SCHIP1: variants seen among roughly 807,000 people sequenced by gnomAD.
The protein encoded by SCHIP1 is schwannomin-interacting protein 1.
Under a neutral mutation model 29.7 loss-of-function variants are expected in SCHIP1, and 8 were observed. That is an observed-to-expected ratio of 0.27 (90% CI 0.16 to 0.49). The LOEUF (loss-of-function observed/expected upper bound fraction) is 0.49. SCHIP1 is among the 20% of genes least tolerant of loss of function. The probability of loss-of-function intolerance (pLI) is 0.99; values close to 1 mark genes in which losing one functional copy is unlikely to be tolerated. For synonymous variants in SCHIP1, 76 were observed against 94.9 expected, an observed-to-expected ratio of 0.80 and a Z score of 1.16; for missense variants, 193 against 294.6, an observed-to-expected ratio of 0.66 and a Z score of 2.52.
chr3:159,419,735 G>T, the SCHIP1 span, among the ~76,000 whole-genome samples: 115 of 152,308 alleles, frequency 7.6e-4, no homozygotes, highest in African/African-American at 2.5e-3. Context: ...CTTGAACCCA[G>T]GAGGCGGAGG....
At chr3:159,779,216 A>C in the SCHIP1 span, among the ~76,000 whole-genome samples, 1 of 152,224 alleles carries the variant, frequency 6.6e-6, no homozygotes, top group Non-Finnish European at 1.5e-5. Context: ...GGAACAGATT[A>C]GAAATGGCAT....
chr3:159,795,698 CT>C, the SCHIP1 span, among the ~76,000 whole-genome samples: 19 of 152,132 alleles, frequency 1.2e-4, no homozygotes, highest in African/African-American at 4.6e-4. Flanking sequence ...GAATCTTGAG[CT>C]GGGTCCTGAA....
the SCHIP1 span, among the ~76,000 whole-genome samples, chr3:159,590,617 G>C: frequency 6.6e-6 from 1 of 151,876 alleles, no homozygotes; most frequent in Non-Finnish European, 1.5e-5. Flanking sequence ...GTCCTTACCT[G>C]CACTCAACTC....
chr3:159,287,426 C>G, the SCHIP1 span, among the ~76,000 whole-genome samples: 1 of 151,818 alleles, frequency 6.6e-6, no homozygotes. Context: ...ACTGTTGACT[C>G]TTCATGATTC....
the SCHIP1 span, among the ~76,000 whole-genome samples, chr3:159,336,599 G>C: frequency 1.3e-5 from 2 of 152,096 alleles, no homozygotes; most frequent in African/African-American, 4.8e-5. Context: ...ATTAAATAGG[G>C]AATCATTTCC....
chr3:159,649,594 A>G, the SCHIP1 span, among the ~76,000 whole-genome samples: 1 of 152,226 alleles, frequency 6.6e-6, no homozygotes, highest in Non-Finnish European at 1.5e-5. Flanking sequence ...ACAGAAAACT[A>G]ATTGAAGAAT....
the SCHIP1 span, among the ~76,000 whole-genome samples, chr3:159,510,962 C>A: frequency 6.6e-6 from 1 of 152,194 alleles, no homozygotes; most frequent in African/African-American, 2.4e-5. Flanking sequence ...ATCTCAAACT[C>A]CGTGCTGGGA....
chr3:159,865,998 C>T (rs1560088824), intron 1 of SCHIP1, among the ~76,000 whole-genome samples, 165 bp from the exon 3 acceptor site: 2 of 152,234 alleles, frequency 1.3e-5, no homozygotes, highest in Non-Finnish European at 2.9e-5. Flanking sequence ...CCAGAAGAGA[C>T]TGGTAAAATT....
chr3:159,896,670 G>A, intron 6 of SCHIP1, 53 bp from the exon 8 acceptor site: 3 of 1,501,122 alleles, frequency 2.0e-6, no homozygotes. Flanking sequence ...TGATTGAAAA[G>A]CAGTTTGGAT....
At chr3:159,786,744 T>TTG in the SCHIP1 span, among the ~76,000 whole-genome samples, 118 of 150,414 alleles carry the variant, frequency 7.8e-4, no homozygotes, top group African/African-American at 2.7e-3. Context: ...TGTGGTGTGA[T>TTG]TGTGGTCTGT....
the SCHIP1 span, among the ~76,000 whole-genome samples, chr3:159,388,009 T>C: frequency 6.6e-6 from 1 of 152,122 alleles, no homozygotes; most frequent in South Asian, 2.1e-4. Context: ...ATTCAGTTAA[T>C]GACAAAATAT....
chr3:159,704,900 C>A, the SCHIP1 span, among the ~76,000 whole-genome samples: 11,445 of 61,576 alleles, frequency 0.19, 574 homozygotes, highest in East Asian at 0.47. Flanking sequence ...TTCTTTCTTT[C>A]TTTCTTTATT....
the SCHIP1 span, among the ~76,000 whole-genome samples, chr3:159,608,994 A>G: frequency 6.6e-6 from 1 of 152,212 alleles, no homozygotes; most frequent in African/African-American, 2.4e-5. Flanking sequence ...CATCATACCT[A>G]GATAAATATA....
the SCHIP1 span, among the ~76,000 whole-genome samples, chr3:159,736,308 G>A: frequency 6.6e-6 from 1 of 152,230 alleles, no homozygotes; most frequent in Non-Finnish European, 1.5e-5. Context: ...GGTTCTCAAA[G>A]AGTTTTGGAT....
At chr3:159,883,556 TG>T (rs1310995591) in intron 2 of SCHIP1, among the ~76,000 whole-genome samples, 2 of 152,034 alleles carry the variant, frequency 1.3e-5, no homozygotes, top group Admixed American at 6.5e-5. Flanking sequence ...CACCGAGAGC[TG>T]ACTTCATCTT....
chr3:159,388,712 A>T, the SCHIP1 span, among the ~76,000 whole-genome samples: 4 of 152,178 alleles, frequency 2.6e-5, no homozygotes, highest in Non-Finnish European at 5.9e-5. Flanking sequence ...GTTTTGAAAA[A>T]TAAACAATAG....
At chr3:159,644,378 T>C in the SCHIP1 span, among the ~76,000 whole-genome samples, 1 of 152,142 alleles carries the variant, frequency 6.6e-6, no homozygotes, top group Admixed American at 6.6e-5. Flanking sequence ...TCAGGAACTA[T>C]GTAAATATCT....
the SCHIP1 span, chr3:159,765,178 C>G: frequency 5.5e-5 from 83 of 1,519,102 alleles, no homozygotes; most frequent in Non-Finnish European, 6.7e-5. Context: ...CGCACACACG[C>G]GTACACACCC....
chr3:159,730,113 C>T, the SCHIP1 span, among the ~76,000 whole-genome samples: 1 of 152,096 alleles, frequency 6.6e-6, no homozygotes, highest in Non-Finnish European at 1.5e-5. Flanking sequence ...ACATAGTTTT[C>T]ATAATTGTTA....
Sources: gnomAD v4.1 joint callset for allele counts (sites outside exome capture counted in the v4.1 genomes callset) on GRCh38, gnomAD v4.1.1 for gene constraint, MANE v1.5 for transcripts, NCBI Gene and HGNC (gene_info 2026-07-23, HGNC 2026-07-21) for gene names.